The following SPPL3 variants were observed in gnomAD, a reference collection of about 807,000 sequenced individuals.
SPPL3 encodes signal peptide peptidase-like 3.
A neutral mutation model predicts 42.4 loss-of-function variants in SPPL3; 5 were observed. That is an observed-to-expected ratio of 0.12 (90% CI 0.06 to 0.25). The LOEUF is 0.25. Ranked by LOEUF, SPPL3 falls within the 10% of genes least tolerant of loss-of-function variation. The probability of loss-of-function intolerance (pLI) is 1.00; values close to 1 mark genes in which losing one functional copy is unlikely to be tolerated. For missense variants in SPPL3, 235 were observed against 489.0 expected (o/e 0.48, Z 4.90); for synonymous variants, 195 against 181.8 (o/e 1.07, Z -0.58).
chr12:120,846,343 T>C (rs1872039984), intron 1 of SPPL3, among the ~76,000 whole-genome samples: 1 of 152,268 alleles, frequency 6.6e-6, no homozygotes, highest in Non-Finnish European at 1.5e-5. Context: ...ATGACATATT[T>C]GTTTAGCATG....
intron 1 of SPPL3, among the ~76,000 whole-genome samples, chr12:120,826,106 C>A (rs1871223588): frequency 6.6e-6 from 1 of 151,716 alleles, no homozygotes; most frequent in Non-Finnish European, 1.5e-5. Flanking sequence ...CCAGCCTGAC[C>A]AACATGGAGA....
intron 1 of SPPL3, among the ~76,000 whole-genome samples, chr12:120,880,617 C>T (rs1189910758): frequency 1.3e-5 from 2 of 151,824 alleles, no homozygotes; most frequent in Non-Finnish European, 2.9e-5. Context: ...TGAAACCCAT[C>T]TCTACTAAAA....
At position 120,768,809 on chromosome 12, in the gene SPPL3, C is replaced by A. The variant is rs1238441648; in HGVS notation, c.609+144G>T. ...CAAACAAAAGGATCGGACTGCACAC[C>A]CATGATACAGTTAAGGACTGGAGAG... On this transcript the variant is annotated intron_variant, in intron 7 of 10. Transcript: ENST00000353487. The A allele has an allele frequency of 1.4e-5, 10 of 707,538 alleles. No individual in the cohort carries two copies. The African/African-American group carries it at 1.6e-4, about 11-fold the overall frequency. 43.8% of individuals were successfully genotyped at this position (707,538 alleles called of 1,614,324 possible). A position where few individuals can be genotyped will look rare whatever the true frequency, so the allele number is the denominator to read the frequency against.
At chr12:120,809,661 T>C (rs1398679206) in intron 2 of SPPL3, among the ~76,000 whole-genome samples, 1 of 151,912 alleles carries the variant, frequency 6.6e-6, no homozygotes, top group Non-Finnish European at 1.5e-5. Flanking sequence ...AAAAAGGGAG[T>C]GTGTCTCTAG....
Position 120,903,843 on chromosome 12 carries a change from A to G in SPPL3, c.23+2T>C. The G allele has an allele frequency of 2.0e-6, 3 of 1,466,284 alleles. No individual in the cohort carries two copies. Among genetic ancestry groups the G allele is most frequent in the Admixed American group, 2.3e-5 (1 of 42,696 alleles). The allele number at this position is 1,466,284 out of a possible 1,614,324, so 90.8% of individuals were successfully genotyped here. ...CCCGGCCTCCCGGAGCCCCGCACTC[A>G]CCACGAGTAGGTCTGCTCCGCCATG... On this transcript the variant is annotated splice_donor_variant, in intron 1 of 10. Coordinates refer to ENST00000353487, the MANE Select transcript of SPPL3 (RefSeq NM_139015.5). LOFTEE classifies it high-confidence loss of function.
At chr12:120,778,821 G>A (rs2136974730) in intron 6 of SPPL3, among the ~76,000 whole-genome samples, 1 of 152,204 alleles carries the variant, frequency 6.6e-6, no homozygotes, top group South Asian at 2.1e-4. Flanking sequence ...AGAAGGACAA[G>A]TTTTTTGTTT....
chr12:120,819,664 A>C (rs1292007598), intron 1 of SPPL3, among the ~76,000 whole-genome samples: 1 of 152,200 alleles, frequency 6.6e-6, no homozygotes, highest in African/African-American at 2.4e-5. Context: ...TCCTCAAGAT[A>C]ACCAATGGTA....
intron 1 of SPPL3, among the ~76,000 whole-genome samples, chr12:120,824,286 A>AT (rs1290970381): frequency 2.0e-5 from 3 of 152,162 alleles, no homozygotes; most frequent in Non-Finnish European, 4.4e-5. Context: ...TTTCTGTATT[A>AT]TTTGAGTTTT....
At chr12:120,771,978 T>C (rs1000577157) in intron 6 of SPPL3, among the ~76,000 whole-genome samples, 1 of 152,038 alleles carries the variant, frequency 6.6e-6, no homozygotes, top group South Asian at 2.1e-4. Context: ...AGGTCAGGAG[T>C]CCTTTCTCAG....
Position 120,821,118 on chromosome 12 carries a change from G to A in SPPL3, c.24-10232C>T, listed in dbSNP as rs533998730. Among the ~76,000 whole-genome samples the A allele has an allele frequency of 3.9e-5, 6 of 152,302 alleles. No homozygotes were observed. In the South Asian group the frequency reaches 1.2e-3, roughly 32 times the overall value. ...ATGAAAGAAAGGTATTAGTCTTCAAGGCAGTAAAGATGATCTGGAGTAATT... is the reference window on the plus strand; with the variant it reads ...ATGAAAGAAAGGTATTAGTCTTCAAAGCAGTAAAGATGATCTGGAGTAATT... On this transcript the variant is annotated intron_variant, in intron 1 of 10. Coordinates refer to ENST00000353487, the MANE Select transcript of SPPL3 (RefSeq NM_139015.5).
intron 1 of SPPL3, among the ~76,000 whole-genome samples, chr12:120,896,777 T>TC (rs1873817263): frequency 6.7e-6 from 1 of 150,062 alleles, no homozygotes; most frequent in Admixed American, 6.6e-5. Context: ...AGACTCCGTT[T>TC]CAAAAAAAAA....
At chr12:120,801,887 G>A (rs765236888) in intron 2 of SPPL3, among the ~76,000 whole-genome samples, 2 of 152,186 alleles carry the variant, frequency 1.3e-5, no homozygotes, top group Non-Finnish European at 2.9e-5. Context: ...TAAATTGGGT[G>A]TAAGTATAAA....
intron 1 of SPPL3, among the ~76,000 whole-genome samples, chr12:120,832,275 C>A (rs1164764709): frequency 6.6e-6 from 1 of 152,090 alleles, no homozygotes; most frequent in Admixed American, 6.5e-5. Flanking sequence ...TTTAATTAAT[C>A]CCCCAAGAAT....
intron 7 of SPPL3, 21 bp from the exon 8 acceptor site, chr12:120,768,509 CT>C (rs1566036501): frequency 1.3e-6 from 2 of 1,599,652 alleles, no homozygotes; most frequent in East Asian, 2.2e-5. Context: ...GGAGAGATGC[CT>C]TTAACAGAGG....
At chr12:120,794,871 G>A (rs946401880) in intron 2 of SPPL3, among the ~76,000 whole-genome samples, 1 of 152,080 alleles carries the variant, frequency 6.6e-6, no homozygotes, top group African/African-American at 2.4e-5. Flanking sequence ...GATCTCCTTT[G>A]TTGTCCTATG....
chr12:120,881,953 C>T (rs1035714451), intron 1 of SPPL3, among the ~76,000 whole-genome samples: 11 of 151,834 alleles, frequency 7.2e-5, no homozygotes, highest in African/African-American at 1.9e-4. Flanking sequence ...ACAGTAGTTC[C>T]GATTAAACTT....
intron 2 of SPPL3, among the ~76,000 whole-genome samples, chr12:120,808,082 TTTTC>T (rs1870563216): frequency 7.7e-6 from 1 of 129,398 alleles, no homozygotes; most frequent in African/African-American, 4.4e-5. Context: ...TCTTAGTTTC[TTTTC>T]TTTTTTTTTT....
chr12:120,782,090 G>A (rs1455128440), intron 6 of SPPL3, among the ~76,000 whole-genome samples: 1 of 151,582 alleles, frequency 6.6e-6, no homozygotes, highest in African/African-American at 2.4e-5. Context: ...GACTGGTCTT[G>A]AACTCTTGGT....
chr12:120,766,387 A>G lies in SPPL3; in HGVS notation c.974-15T>C. 1.9e-6 allele frequency: 3 copies of G among 1,564,690 alleles called. No individual in the cohort carries two copies. The highest frequency in any genetic ancestry group is 2.6e-6 in the Non-Finnish European group (3 of 1,154,372). On this transcript the variant is annotated splice_polypyrimidine_tract_variant and intron_variant, in intron 9 of 10. Transcript: ENST00000353487. ...AGTGAGCAGGCCTGTGAGGAGAGAGAGGCATCTGTGAGACACGAGAGGGAA... is the reference window on the plus strand; with the variant it reads ...AGTGAGCAGGCCTGTGAGGAGAGAGGGGCATCTGTGAGACACGAGAGGGAA...
Sources: gnomAD v4.1 joint callset for allele counts (sites outside exome capture counted in the v4.1 genomes callset) on GRCh38, gnomAD v4.1.1 for gene constraint, MANE v1.5 for transcripts, NCBI Gene and HGNC (gene_info 2026-07-23, HGNC 2026-07-21) for gene names.